GFRA1: variants seen among roughly 807,000 people sequenced by gnomAD.
The protein encoded by GFRA1 is GDNF family receptor alpha-1.
GFRA1 carries 16 observed loss-of-function variants against 51.6 expected under a neutral mutation model. That is an observed-to-expected ratio of 0.31 (90% CI 0.21 to 0.47). GFRA1 has a LOEUF of 0.47. Ranked by LOEUF, GFRA1 falls within the 20% of genes least tolerant of loss-of-function variation. The probability of loss-of-function intolerance (pLI) is 1.00; values close to 1 mark genes in which losing one functional copy is unlikely to be tolerated. For missense variants in GFRA1, 530 were observed against 594.3 expected, an observed-to-expected ratio of 0.89 and a Z score of 1.13; for synonymous variants, 270 against 241.3, an observed-to-expected ratio of 1.12 and a Z score of -1.10.
intron 4 of GFRA1, among the ~76,000 whole-genome samples, chr10:116,221,495 G>A (rs1589884641): frequency 6.6e-6 from 1 of 152,232 alleles, no homozygotes; most frequent in Non-Finnish European, 1.5e-5. Context: ...TGCGATCTCG[G>A]CTCACTGCAA....
At chr10:116,102,984 C>T (rs1335516847) in intron 6 of GFRA1, among the ~76,000 whole-genome samples, 1 of 152,186 alleles carries the variant, frequency 6.6e-6, no homozygotes, top group Admixed American at 6.5e-5. Flanking sequence ...TTTCTGAAAG[C>T]TTTCTCAGTG....
rs931319870 is a variant in GFRA1 at position 116,063,037 on chromosome 10, A to C, written c.*1361T>G. On this transcript the variant is annotated 3_prime_UTR_variant, in exon 11 of 11. Coordinates refer to ENST00000355422, the MANE Select transcript of GFRA1 (RefSeq NM_005264.8). ...AATGACCTTCAGACCAAACTGCTCCAAACAGTGGCCAAGACGTTGCAGTCA... is the reference window on the plus strand; with the variant it reads ...AATGACCTTCAGACCAAACTGCTCCCAACAGTGGCCAAGACGTTGCAGTCA... 1 of 152,254 alleles carries C rather than the reference A, an allele frequency of 6.6e-6. No individual in the cohort carries two copies. Among genetic ancestry groups the C allele is most frequent in the Non-Finnish European group, 1.5e-5 (1 of 68,070 alleles). 9.4% of individuals were successfully genotyped at this position (152,254 alleles called of 1,614,324 possible).
intron 4 of GFRA1, among the ~76,000 whole-genome samples, chr10:116,215,992 G>C (rs947087330): frequency 1.3e-5 from 2 of 152,106 alleles, no homozygotes; most frequent in African/African-American, 4.8e-5. Flanking sequence ...AAGGAACTCA[G>C]ATTGCCTTTC....
intron 6 of GFRA1, 103 bp downstream of exon 6, chr10:116,125,118 C>T (rs920274850): frequency 2.0e-6 from 2 of 1,015,422 alleles, no homozygotes; most frequent in Non-Finnish European, 3.1e-6. Flanking sequence ...CCCCTCCCTC[C>T]TCTACCTTGG....
At chr10:116,198,343 T>C (rs553326048) in intron 5 of GFRA1, among the ~76,000 whole-genome samples, 97 of 152,322 alleles carry the variant, frequency 6.4e-4, no homozygotes, top group African/African-American at 2.1e-3. Flanking sequence ...GAACTGCACC[T>C]GCAATCCTTC....
intron 6 of GFRA1, among the ~76,000 whole-genome samples, chr10:116,102,208 G>A (rs899869089): frequency 1.3e-5 from 2 of 152,206 alleles, no homozygotes; most frequent in Admixed American, 1.3e-4. Flanking sequence ...AAGTGTGGGG[G>A]CTGACTTTAA....
chr10:116,174,870 T>G (rs560708044), intron 5 of GFRA1, among the ~76,000 whole-genome samples: 1 of 152,190 alleles, frequency 6.6e-6, no homozygotes, highest in Non-Finnish European at 1.5e-5. Flanking sequence ...TAATATAGAA[T>G]TGGCTCTGAG....
At chr10:116,255,708 G>C in intron 4 of GFRA1, 1 of 1,288,976 alleles carries the variant, frequency 7.8e-7, no homozygotes, top group Non-Finnish European at 1.0e-6. Flanking sequence ...CTGCATCCTA[G>C]TTCTCTTCCT....
intron 5 of GFRA1, among the ~76,000 whole-genome samples, chr10:116,132,251 T>C (rs1325502715): frequency 6.6e-5 from 10 of 151,858 alleles, no homozygotes; most frequent in Admixed American, 2.6e-4. Flanking sequence ...CAAAAAGAAA[T>C]AGCCTAAACA....
chr10:116,205,390 CA>C (rs767752847), intron 5 of GFRA1, among the ~76,000 whole-genome samples: 48 of 152,058 alleles, frequency 3.2e-4, no homozygotes, highest in Non-Finnish European at 6.2e-4. Flanking sequence ...ATCTCGCCAA[CA>C]AGGTGAAACC....
intron 6 of GFRA1, among the ~76,000 whole-genome samples, chr10:116,109,530 T>A (rs376193424): frequency 2.6e-5 from 4 of 152,212 alleles, no homozygotes; most frequent in Non-Finnish European, 5.9e-5. Context: ...GGGGAAATCA[T>A]CTGGGCCTAG....
chr10:116,228,264 T>C (rs1314749480), intron 4 of GFRA1, among the ~76,000 whole-genome samples: 2 of 152,192 alleles, frequency 1.3e-5, no homozygotes, highest in Non-Finnish European at 2.9e-5. Context: ...GATGAAAATG[T>C]CACTGCAAAC....
intron 5 of GFRA1, among the ~76,000 whole-genome samples, chr10:116,128,725 CAAAA>C (rs67642059): frequency 0.01 from 901 of 87,772 alleles, 8 homozygotes; most frequent in African/African-American, 0.035. Context: ...GACTCTGTCT[CAAAA>C]AAAAAAAAAA....
At chr10:116,098,009 G>A (rs139782921) in intron 6 of GFRA1, among the ~76,000 whole-genome samples, 57 of 152,294 alleles carry the variant, frequency 3.7e-4, no homozygotes, top group African/African-American at 7.9e-4. Context: ...ACCGCAGTTC[G>A]CTGCAAAGGC....
Position 116,270,955 on chromosome 10 carries a change from C to T in GFRA1, c.201G>A (p.Glu67=). 6.2e-7 allele frequency: 1 copy of T among 1,614,206 alleles called. No individual in the cohort carries two copies. The highest frequency in any genetic ancestry group is 8.5e-7 in the Non-Finnish European group (1 of 1,180,050). ...TGGCGCTGCGGCACTCATCCTTGGCCTCCAGGCCGGATGCCAGGCTGAAGT... is the reference window on the plus strand; with the variant it reads ...TGGCGCTGCGGCACTCATCCTTGGCTTCCAGGCCGGATGCCAGGCTGAAGT... ...ETNFSLASGL[E]AKDECRSAME... The change falls in exon 3 of 11, where the codon GAG becomes GAA. Residue 67 remains glutamate (E), a synonymous_variant. Transcript: ENST00000355422.
intron 6 of GFRA1, among the ~76,000 whole-genome samples, chr10:116,111,804 A>G (rs1041539244): frequency 2.6e-5 from 4 of 152,186 alleles, no homozygotes; most frequent in African/African-American, 9.6e-5. Context: ...TAGAAAACAA[A>G]TCCCAACACA....
In GFRA1 at chr10:116,271,476, C is replaced by T. The variant is rs545484754; in HGVS notation, c.41-361G>A. On this transcript the variant is annotated intron_variant, in intron 2 of 10. Transcript: ENST00000355422. ...CCACCCCCGGCTCCAGCCACCCGCT[C>T]CGCCCGGCTGAAACTCAGGCGCTTT... Among the ~76,000 whole-genome samples, 33 of 152,230 alleles carry T rather than the reference C, an allele frequency of 2.2e-4. No homozygotes were observed. The South Asian group carries it at 2.7e-3, about 12-fold the overall frequency.
At chr10:116,096,092 C>T (rs372553312) in intron 7 of GFRA1, among the ~76,000 whole-genome samples, 14 of 152,174 alleles carry the variant, frequency 9.2e-5, no homozygotes, top group East Asian at 7.7e-4. Context: ...ACAGAAAATA[C>T]GGTTACTGCT....
At chr10:116,096,176 T>G (rs1384435325) in intron 7 of GFRA1, among the ~76,000 whole-genome samples, 1 of 152,138 alleles carries the variant, frequency 6.6e-6, no homozygotes, top group African/African-American at 2.4e-5. Context: ...CCAAGAACAT[T>G]AACAGCAAGC....
Sources: gnomAD v4.1 joint callset for allele counts (sites outside exome capture counted in the v4.1 genomes callset) on GRCh38, gnomAD v4.1.1 for gene constraint, MANE v1.5 for transcripts, NCBI Gene and HGNC (gene_info 2026-07-23, HGNC 2026-07-21) for gene names.